CCDC180: variants seen among roughly 807,000 people sequenced by gnomAD.
The protein encoded by CCDC180 is coiled-coil domain containing 180.
In CCDC180, 154 loss-of-function variants were observed where a neutral mutation model predicts 209.2. The observed-to-expected ratio is 0.74, with a 90% confidence interval of 0.65 to 0.84. The LOEUF is 0.84. Ranked by LOEUF, CCDC180 falls within the 40% of genes least tolerant of loss-of-function variation. The pLI is 0.00. For synonymous variants in CCDC180, 778 were observed against 749.1 expected (o/e 1.04, Z -0.63); for missense variants, 1,874 against 1,997.3 (o/e 0.94, Z 1.18).
At chr9:97,362,044 C>T in intron 27 of CCDC180, 146 bp downstream of exon 27, 2 of 1,366,206 alleles carry the variant, frequency 1.5e-6, no homozygotes, top group African/African-American at 2.9e-5. Context: ...AGGGCTTCCC[C>T]ACCCAGAGCC....
chr9:97,374,619 T>A lies in CCDC180; in HGVS notation c.4677T>A (p.Ser1559Arg), dbSNP rs1827192824. 6.2e-7 allele frequency: 1 copy of A among 1,613,170 alleles called. No individual in the cohort carries two copies. Among genetic ancestry groups the A allele is most frequent in the Non-Finnish European group, 8.5e-7 (1 of 1,179,806 alleles). The change falls in exon 35 of 37, where the codon AGT becomes AGA. Residue 1559 changes from serine (S) to arginine (R), a missense_variant. Transcript: ENST00000529487. ...KLAGLSLKEE[S>R]EKPLIERGSR... ...CTGGGCTCTCCCTGAAGGAAGAGAG[T>A]GAGAAACCCCTGATTGAACGTGGAA...
intron 19 of CCDC180, among the ~76,000 whole-genome samples, chr9:97,345,218 A>G (rs536099919): frequency 2.0e-5 from 3 of 152,326 alleles, no homozygotes; most frequent in South Asian, 2.1e-4. Flanking sequence ...TAGAACTAAG[A>G]GTGGAACTGT....
chr9:97,327,913 A>T, intron 15 of CCDC180, 107 bp from the exon 16 acceptor site: 1 of 1,214,666 alleles, frequency 8.2e-7, no homozygotes, highest in Non-Finnish European at 1.1e-6. Context: ...AAGAGCAGCC[A>T]CACAGCAGCT....
At position 97,350,411 on chromosome 9, in the gene CCDC180, T is replaced by G. The variant is rs1263633173; in HGVS notation, c.2858T>G (p.Leu953Arg). ...TGTTCCTCCTCTGTCTCCCACAGGC[T>G]GGTCACTCTCAGCAACACACTGCAC... ...IFLNATRSQKLVTLSNTLHQE... is the reference protein window; with the variant it reads ...IFLNATRSQKRVTLSNTLHQE... The change falls in exon 22 of 37, where the codon CTG becomes CGG. Residue 953 changes from leucine (L) to arginine (R), a missense_variant and splice_region_variant. Physicochemically the swap from Leu to Arg is moderately radical, Grantham distance 102. Coordinates refer to ENST00000529487, the MANE Select transcript of CCDC180 (RefSeq NM_020893.6). 1 of 1,535,260 alleles carries G rather than the reference T, an allele frequency of 6.5e-7. No homozygotes were observed. The highest frequency in any genetic ancestry group is 1.4e-5 in the African/African-American group (1 of 72,976).
intron 34 of CCDC180, chr9:97,373,368 A>C (rs928788169): frequency 2.0e-5 from 3 of 152,266 alleles, no homozygotes; most frequent in Non-Finnish European, 4.4e-5. Context: ...CAGTAAAACA[A>C]GAAAATCAGT....
intron 3 of CCDC180, among the ~76,000 whole-genome samples, chr9:97,310,295 G>A (rs1225266765): frequency 6.6e-6 from 1 of 152,200 alleles, no homozygotes; most frequent in Non-Finnish European, 1.5e-5. Context: ...GTCTCTTGGA[G>A]GCAGAACCCA....
Position 97,308,033 on chromosome 9 carries a change from T to C in CCDC180, c.-31T>C. The stretch of plus-strand genomic sequence containing the variant: ...TAGACGCGTTTCCTGGACGACGGCT[T>C]CCCGGCAGGGGCATCCAGCCAGCGG... On this transcript the variant is annotated 5_prime_UTR_variant, in exon 2 of 37. Transcript: ENST00000529487. 1 of 1,612,308 alleles carries C rather than the reference T, an allele frequency of 6.2e-7. No homozygotes were observed.
intron 4 of CCDC180, 152 bp downstream of exon 4, chr9:97,312,353 A>AGAATCTCAGCCAAGAGTCCTCCCCTGT (rs1833017462): frequency 1.6e-6 from 1 of 633,658 alleles, no homozygotes; most frequent in African/African-American, 1.8e-5. Context: ...ATTCTCCCTG[A>AGAATCTCAGCCAAGAGTCCTCCCCTGT]GCATCTCAGC....
chr9:97,318,693 C>A (rs1291136253), intron 10 of CCDC180, 111 bp downstream of exon 10: 3 of 1,417,890 alleles, frequency 2.1e-6, no homozygotes, highest in Non-Finnish European at 9.5e-7. Context: ...AGCAGACCAA[C>A]TCCCAGCTCT....
At position 97,377,026 on chromosome 9, in the gene CCDC180, CT is replaced by C; in HGVS notation, c.*135del. ...CCCTGCTCTGTGCCGGGCACTGTAGCTTTACCAGCGAACAGGACACAGCATG... is the reference window on the plus strand; with the variant it reads ...CCCTGCTCTGTGCCGGGCACTGTAGCTTACCAGCGAACAGGACACAGCATG... On this transcript the variant is annotated 3_prime_UTR_variant, in exon 37 of 37. Coordinates refer to ENST00000529487, the MANE Select transcript of CCDC180 (RefSeq NM_020893.6). 9.6e-7 allele frequency: 1 copy of C among 1,043,478 alleles called. No homozygotes were observed. The allele number at this position is 1,043,478 out of a possible 1,614,324, so 64.6% of individuals were successfully genotyped here. A position where few individuals can be genotyped will look rare whatever the true frequency, so the allele number is the denominator to read the frequency against.
chr9:97,342,192 A>G (rs1001597787), intron 18 of CCDC180, among the ~76,000 whole-genome samples: 3 of 152,200 alleles, frequency 2.0e-5, no homozygotes, highest in Middle Eastern at 3.2e-3. Flanking sequence ...CCACTTTCCA[A>G]CTAGTCCCAA....
Position 97,376,949 on chromosome 9 carries a change from T to C in CCDC180, c.*55T>C, listed in dbSNP as rs1164791992. Reference sequence around the variant, plus strand: ...CTTATACAGACTCCTTCCCTGTCCATCTACCTGCCTACCTACTTTCCGTCC... The same window carrying C: ...CTTATACAGACTCCTTCCCTGTCCACCTACCTGCCTACCTACTTTCCGTCC... On this transcript the variant is annotated 3_prime_UTR_variant, in exon 37 of 37. Coordinates refer to ENST00000529487, the MANE Select transcript of CCDC180 (RefSeq NM_020893.6). 1.1e-5 allele frequency: 17 copies of C among 1,563,780 alleles called. No individual in the cohort carries two copies. Among genetic ancestry groups the C allele is most frequent in the Non-Finnish European group, 1.5e-5 (17 of 1,155,020 alleles).
At position 97,330,178 on chromosome 9, in the gene CCDC180, A is replaced by G; in HGVS notation, c.1813A>G (p.Lys605Glu). 1 of 1,613,960 alleles carries G rather than the reference A, an allele frequency of 6.2e-7. No individual in the cohort carries two copies. Among genetic ancestry groups the G allele is most frequent in the Non-Finnish European group, 8.5e-7 (1 of 1,180,016 alleles). Residue 605 changes from lysine (K) to glutamate (E), a missense_variant, in exon 17 of 37, where the codon AAA (lysine) becomes GAA (glutamate). Transcript: ENST00000529487. ...EQNLAGEVIF[K>E]FRQPEAHEKP... ...GAACTTGGCTGGAGAAGTCATTTTCAAATTCAGGCAACCAGGTAACACTTT... is the reference window on the plus strand; with the variant it reads ...GAACTTGGCTGGAGAAGTCATTTTCGAATTCAGGCAACCAGGTAACACTTT...
In CCDC180 at chr9:97,308,029, G is replaced by A; in HGVS notation, c.-35G>A. The A allele has an allele frequency of 6.2e-7, 1 of 1,612,030 alleles. No homozygotes were observed. The highest frequency in any genetic ancestry group is 8.5e-7 in the Non-Finnish European group (1 of 1,179,192). On this transcript the variant is annotated 5_prime_UTR_variant, in exon 2 of 37. Coordinates refer to ENST00000529487, the MANE Select transcript of CCDC180 (RefSeq NM_020893.6). ...AGCCTAGACGCGTTTCCTGGACGAC[G>A]GCTTCCCGGCAGGGGCATCCAGCCA...
chr9:97,354,752 C>T (rs866236102), intron 23 of CCDC180, 39 bp downstream of exon 23: 3 of 1,613,246 alleles, frequency 1.9e-6, no homozygotes, highest in Middle Eastern at 1.7e-4. Context: ...ACCGGTTCCA[C>T]AGTATCCCTT....
intron 25 of CCDC180, among the ~76,000 whole-genome samples, chr9:97,359,330 G>C (rs1009817816): frequency 3.9e-5 from 6 of 152,194 alleles, no homozygotes; most frequent in South Asian, 4.1e-4. Flanking sequence ...GGTGCCAGGG[G>C]CTTGCCCAGC....
Position 97,349,194 on chromosome 9 carries a change from T to C in CCDC180, c.2758T>C (p.Cys920Arg). 1 of 1,536,514 alleles carries C rather than the reference T, an allele frequency of 6.5e-7. No homozygotes were observed. ...ETLKKKRLMF[C>R]QFQEEQNVRS... ...GCTGAAGAAGAAGCGGCTGATGTTC[T>C]GCCAGTTCCAAGAAGAGCAAAACGT... The change falls in exon 21 of 37, where the codon TGC (cysteine) becomes CGC (arginine). Residue 920 changes from cysteine to arginine, a missense_variant. By Grantham distance (180) the Cys-to-Arg change is radical (BLOSUM62 -3). Coordinates refer to ENST00000529487, the MANE Select transcript of CCDC180 (RefSeq NM_020893.6).
chr9:97,320,797 A>G (rs1833332935), intron 11 of CCDC180, among the ~76,000 whole-genome samples: 1 of 152,196 alleles, frequency 6.6e-6, no homozygotes, highest in Admixed American at 6.5e-5. Context: ...AAGTGTTGTT[A>G]GACCCCCAAC....
rs187557133 is a variant in CCDC180, at chr9:97,318,588, G to A, written c.1079+6G>A. 4.2e-4 allele frequency: 681 copies of A among 1,611,430 alleles called. 4 individuals carry two copies. The East Asian group carries it at 0.012, about 29-fold the overall frequency. The stretch of plus-strand genomic sequence containing the variant: ...AAGCATCTCTGCACCATCTGGTATG[G>A]GCAGGAGGGGCGGCCCAGGAGGGGT... On this transcript the variant is annotated splice_donor_region_variant and intron_variant, in intron 10 of 36. Coordinates refer to ENST00000529487, the MANE Select transcript of CCDC180 (RefSeq NM_020893.6).
Sources: gnomAD v4.1 joint callset for allele counts (sites outside exome capture counted in the v4.1 genomes callset) on GRCh38, gnomAD v4.1.1 for gene constraint, MANE v1.5 for transcripts, NCBI Gene and HGNC (gene_info 2026-07-23, HGNC 2026-07-21) for gene names.